The following DST variants were observed in gnomAD, a reference collection of about 807,000 sequenced individuals.
DST encodes the protein bullous pemphigoid antigen.
A neutral mutation model predicts 875.2 loss-of-function variants in DST; 253 were observed. That is an observed-to-expected ratio of 0.29 (90% CI 0.26 to 0.32). DST has a LOEUF of 0.32. DST is among the 10% of genes least tolerant of loss of function. DST has a pLI of 1.00. For missense variants in DST, 8,287 were observed against 9,111.6 expected (o/e 0.91, Z 3.68); for synonymous variants, 3,124 against 3,197.1 (o/e 0.98, Z 0.77).
At chr6:56,764,632 T>G (rs765288232) in intron 4 of DST, among the ~76,000 whole-genome samples, 1 of 151,872 alleles carries the variant, frequency 6.6e-6, no homozygotes, top group Non-Finnish European at 1.5e-5. Context: ...AGAAGAAAAT[T>G]TAAAAAAGAA....
rs1246965060 is a variant in DST, at chr6:56,887,977, AGTCT to A, written c.417+12440_417+12443del. Among the ~76,000 whole-genome samples, 3 of 143,746 alleles carry A rather than the reference AGTCT, an allele frequency of 2.1e-5. No homozygotes were observed. In the East Asian group the frequency reaches 6.1e-4, roughly 29 times the overall value. The allele number at this position is 143,746 out of a possible 152,430, so 94.3% of individuals were successfully genotyped here. On this transcript the variant is annotated intron_variant, in intron 3 of 103. Transcript: ENST00000680361. ...TCTTTTTTTTTTTTTTTTGAGATGG[AGTCT>A]CGCTCTGTTACCAGGCTGGAGTGCA...
chr6:56,584,835 G>A (rs1056884163), intron 49 of DST, among the ~76,000 whole-genome samples: 3 of 152,080 alleles, frequency 2.0e-5, no homozygotes, highest in Non-Finnish European at 4.4e-5. Flanking sequence ...GGCCTTTTCT[G>A]CATCTATTGA....
Position 56,953,801 on chromosome 6 carries a change from T to C in DST, c.200A>G (p.His67Arg). Residue 67 changes from histidine (H) to arginine (R), a missense_variant, in exon 2 of 104, where the codon CAC (histidine) becomes CGC (arginine). His to Arg is a conservative substitution (Grantham distance 29). This residue lies in a region of DST where 1,160 missense variants were observed against 1,424.3 expected (regional missense o/e 0.81). Transcript: ENST00000680361. ...ATAAATTACCTCAGAACGAAAGTGG[T>C]GCGATCTCAAAACAGCATCTGGGGA... is the stretch of plus-strand genomic sequence containing the variant. The part of the protein sequence containing the change: ...SRSRDAVLRS[H>R]HFRSEGFRAS... 2 of 1,316,412 alleles carry C rather than the reference T, an allele frequency of 1.5e-6. No individual in the cohort carries two copies. The highest frequency in any genetic ancestry group is 2.0e-6 in the Non-Finnish European group (2 of 994,586). 81.5% of individuals were successfully genotyped at this position (1,316,412 alleles called of 1,614,324 possible).
intron 4 of DST, among the ~76,000 whole-genome samples, chr6:56,763,148 C>A (rs1376392443): frequency 6.6e-6 from 1 of 152,080 alleles, no homozygotes; most frequent in Non-Finnish European, 1.5e-5. Context: ...CAGCACCCAG[C>A]CGAGAACATT....
intron 4 of DST, among the ~76,000 whole-genome samples, chr6:56,760,351 G>C (rs1057350401): frequency 1.3e-5 from 2 of 152,104 alleles, no homozygotes; most frequent in Admixed American, 6.6e-5. Context: ...TTTAAAATTA[G>C]TTTCCAGCAT....
intron 9 of DST, among the ~76,000 whole-genome samples, chr6:56,685,731 C>G (rs190363746): frequency 1.1e-3 from 168 of 152,136 alleles, no homozygotes; most frequent in African/African-American, 4.0e-3. Flanking sequence ...GCCTGGGCAA[C>G]AGAGTGAGAC....
intron 4 of DST, chr6:56,843,211 C>T: frequency 7.0e-7 from 1 of 1,419,384 alleles, no homozygotes; most frequent in Non-Finnish European, 9.4e-7. Context: ...CGGACAGTAT[C>T]GCAGTCAGCA....
At chr6:56,569,818 C>G in intron 54 of DST, 38 bp downstream of exon 54, 1 of 1,560,632 alleles carries the variant, frequency 6.4e-7, no homozygotes, top group South Asian at 1.2e-5. Flanking sequence ...TCATTATTGA[C>G]ACAAATGGAA....
chr6:56,749,493 G>A lies in DST; in HGVS notation c.626-14204C>T, dbSNP rs143735104. Reference sequence around the variant, plus strand: ...AAGTATGGACTGGTACCATGAATACGGCCTAAGGAATAAAATCAGATATAC... The same window carrying A: ...AAGTATGGACTGGTACCATGAATACAGCCTAAGGAATAAAATCAGATATAC... On this transcript the variant is annotated intron_variant, in intron 4 of 103. Coordinates refer to ENST00000680361, the MANE Select transcript of DST (RefSeq NM_001374736.1). Among the ~76,000 whole-genome samples, 887 of 152,082 alleles carry A rather than the reference G, an allele frequency of 5.8e-3. 12 individuals carry two copies. Among genetic ancestry groups the A allele is most frequent in the African/African-American group, 0.02 (817 of 41,470 alleles).
At chr6:56,464,793 G>A in intron 99 of DST, 37 bp from the exon 100 acceptor site, 1 of 1,462,120 alleles carries the variant, frequency 6.8e-7, no homozygotes, top group Non-Finnish European at 9.4e-7. Context: ...TCACATTAAA[G>A]AATACTGTTA....
Position 56,562,219 on chromosome 6 carries a change from TA to T in DST, c.14006-20del. On this transcript the variant is annotated intron_variant, in intron 55 of 103. Transcript: ENST00000680361. Reference sequence around the variant, plus strand: ...GCTCCACCTGCAAAAATAGTAACACTAAAATAATCACAGTTTCATAGTATTT... The same window carrying T: ...GCTCCACCTGCAAAAATAGTAACACTAAATAATCACAGTTTCATAGTATTT... 1 of 1,498,026 alleles carries T rather than the reference TA, an allele frequency of 6.7e-7. No individual in the cohort carries two copies. Among genetic ancestry groups the T allele is most frequent in the African/African-American group, 1.4e-5 (1 of 71,600 alleles). The allele number at this position is 1,498,026 out of a possible 1,614,324, so 92.8% of individuals were successfully genotyped here.
At chr6:56,670,919 T>C in intron 9 of DST, 112 bp from the exon 10 acceptor site, 1 of 575,854 alleles carries the variant, frequency 1.7e-6, no homozygotes. Flanking sequence ...TAATAACAAT[T>C]CCCGCTTCAT....
intron 4 of DST, among the ~76,000 whole-genome samples, chr6:56,812,979 C>T (rs972173169): frequency 1.2e-4 from 18 of 151,866 alleles, no homozygotes; most frequent in African/African-American, 4.1e-4. Flanking sequence ...GACTTGGAAC[C>T]AACCCAAATG....
chr6:56,566,210 T>C (rs920011124), intron 55 of DST, among the ~76,000 whole-genome samples: 1 of 152,168 alleles, frequency 6.6e-6, no homozygotes, highest in Non-Finnish European at 1.5e-5. Flanking sequence ...TGAATGGTTC[T>C]GTCTCACTGG....
At chr6:56,498,328 A>G (rs1183687949) in intron 80 of DST, among the ~76,000 whole-genome samples, 4 of 152,036 alleles carry the variant, frequency 2.6e-5, no homozygotes, top group African/African-American at 9.7e-5. Context: ...ACACACTGCC[A>G]TGGTTGGCTA....
In DST at chr6:56,934,558, T is replaced by TA. The variant is rs1272143061; in HGVS notation, c.216+19226dup. On this transcript the variant is annotated intron_variant, in intron 2 of 103. Transcript: ENST00000680361. ...TATAAAATATACATATTATATATTA[T>TA]ATTATATATATATATATATATATAT... Among the ~76,000 whole-genome samples, 277 of 70,426 alleles carry TA rather than the reference T, an allele frequency of 3.9e-3. 5 individuals are homozygous for TA. The highest frequency in any genetic ancestry group is 0.017 in the African/African-American group (266 of 15,472). 46.2% of individuals were successfully genotyped at this position (70,426 alleles called of 152,430 possible). A position where few individuals can be genotyped will look rare whatever the true frequency, so the allele number is the denominator to read the frequency against.
rs978832786 is a variant in DST, at chr6:56,619,375, A to G, written c.4930-4891T>C. 1.2e-6 allele frequency: 2 copies of G among 1,613,544 alleles called. No individual in the cohort carries two copies. Among genetic ancestry groups the G allele is most frequent in the African/African-American group, 1.3e-5 (1 of 74,982 alleles). Reference sequence around the variant, plus strand: ...ATTCTTCATTGAGCCTTTGGATTTTATCATTATTTTCTTTTTCAGCTTTGA... The same window carrying G: ...ATTCTTCATTGAGCCTTTGGATTTTGTCATTATTTTCTTTTTCAGCTTTGA... On this transcript the variant is annotated intron_variant, in intron 36 of 103. Coordinates refer to ENST00000680361, the MANE Select transcript of DST (RefSeq NM_001374736.1).
chr6:56,526,150 G>A (rs1307292008), intron 69 of DST, among the ~76,000 whole-genome samples: 1 of 152,206 alleles, frequency 6.6e-6, no homozygotes, highest in Non-Finnish European at 1.5e-5. Flanking sequence ...GAAACAATGA[G>A]GCAGATGGCT....
rs1056332789 is a variant in DST at position 56,773,764 on chromosome 6, C to T, written c.626-38475G>A. Among the ~76,000 whole-genome samples, 3 of 152,160 alleles carry T rather than the reference C, an allele frequency of 2.0e-5. No homozygotes were observed. In the East Asian group the frequency reaches 5.8e-4, roughly 29 times the overall value. On this transcript the variant is annotated intron_variant, in intron 4 of 103. Transcript: ENST00000680361. The stretch of plus-strand genomic sequence containing the variant: ...AGTATATAGAACAAAATATATCTAC[C>T]ATCTGGACTCAGCCTGTGAGCCACC...
Sources: gnomAD v4.1 joint callset for allele counts (sites outside exome capture counted in the v4.1 genomes callset) on GRCh38, gnomAD v4.1.1 for gene constraint, gnomAD v4.1.1 regional missense constraint, MANE v1.5 for transcripts, NCBI Gene and HGNC (gene_info 2026-07-23, HGNC 2026-07-21) for gene names.